Variants in TTF1 observed in about 807,000 individuals in gnomAD.
The protein encoded by TTF1 is transcription termination factor, RNA polymerase I.
TTF1 carries 64 observed loss-of-function variants against 80.2 expected under a neutral mutation model. That is an observed-to-expected ratio of 0.80 (90% CI 0.65 to 0.98). The LOEUF (loss-of-function observed/expected upper bound fraction) is 0.98. Among genes scored for constraint, TTF1 ranks in the 50% least tolerant of loss-of-function variants. The probability of loss-of-function intolerance (pLI) is 0.00; values close to 1 mark genes in which losing one functional copy is unlikely to be tolerated. For synonymous variants in TTF1, 372 were observed against 382.7 expected (o/e 0.97, Z 0.33); for missense variants, 1,023 against 1,086.2 (o/e 0.94, Z 0.82).
At chr9:132,390,265 C>T (rs1408712630) in intron 7 of TTF1, among the ~76,000 whole-genome samples, 2 of 152,220 alleles carry the variant, frequency 1.3e-5, no homozygotes, top group African/African-American at 4.8e-5. Context: ...CACGCATGAG[C>T]CACTGCGCGT....
chr9:132,375,936 G>T lies in TTF1; in HGVS notation c.2697C>A (p.Gly899=). ...GACCTCAGATGATCCACCGGCCTTG[G>T]CCTCCCAAAGTACTGGAATTACAGG... ...AHACNSSTLG[G]QGRWII The change falls in exon 11 of 11, where the codon GGC becomes GGA. Residue 899 remains glycine (G), a synonymous_variant. Transcript: ENST00000334270. 1.3e-6 allele frequency: 2 copies of T among 1,598,210 alleles called. No individual in the cohort carries two copies.
intron 10 of TTF1, 57 bp from the exon 11 acceptor site, chr9:132,376,225 G>A: frequency 6.5e-7 from 1 of 1,547,898 alleles, no homozygotes; most frequent in South Asian, 1.2e-5. Flanking sequence ...CTCTTATCAA[G>A]GTCGAGGCAT....
chr9:132,402,967 C>A (rs961936116), intron 1 of TTF1, 139 bp from the exon 2 acceptor site: 42 of 821,302 alleles, frequency 5.1e-5, no homozygotes, highest in Admixed American at 4.2e-4. Flanking sequence ...GCCATTTTCC[C>A]GCCTCAGCCT....
intron 4 of TTF1, 63 bp downstream of exon 4, chr9:132,398,078 G>A (rs1589825324): frequency 7.1e-7 from 1 of 1,417,798 alleles, no homozygotes; most frequent in East Asian, 2.4e-5. Flanking sequence ...CACTTACCAT[G>A]GGTTATCTTG....
intron 7 of TTF1, 30 bp downstream of exon 7, chr9:132,390,567 A>G: frequency 1.2e-6 from 2 of 1,602,238 alleles, no homozygotes; most frequent in Non-Finnish European, 1.7e-6. Context: ...GAAGCTGGAG[A>G]GACAGAGAAA....
chr9:132,384,554 A>G lies in TTF1; in HGVS notation c.2378+2002T>C, dbSNP rs1456463942. Reference sequence around the variant, plus strand: ...CACTCAGATCCTGCAGACATTTTGCATAAACCATCTACGGAAAATAGATAC... The same window carrying G: ...CACTCAGATCCTGCAGACATTTTGCGTAAACCATCTACGGAAAATAGATAC... On this transcript the variant is annotated intron_variant, in intron 9 of 10. Transcript: ENST00000334270. The surrounding 1 kb of genome is among the most constrained non-coding windows in gnomAD (Gnocchi z 4.1). Among the ~76,000 whole-genome samples the G allele has an allele frequency of 6.6e-6, 1 of 152,232 alleles. No individual in the cohort carries two copies. Among genetic ancestry groups the G allele is most frequent in the Non-Finnish European group, 1.5e-5 (1 of 68,038 alleles).
intron 3 of TTF1, 79 bp from the exon 4 acceptor site, chr9:132,398,405 A>G: frequency 7.0e-7 from 1 of 1,431,772 alleles, no homozygotes; most frequent in South Asian, 1.3e-5. Flanking sequence ...GTTTTTCATC[A>G]GCAATGACAG....
rs368443531 is a variant in TTF1 at position 132,382,804 on chromosome 9, G to A, written c.2379-3660C>T. On this transcript the variant is annotated intron_variant, in intron 9 of 10. Coordinates refer to ENST00000334270, the MANE Select transcript of TTF1 (RefSeq NM_007344.4). The stretch of plus-strand genomic sequence containing the variant: ...AAAAAAGTCAGGTGTGGTGGCTCAC[G>A]CCTGTAATCTCAGCAATTTGGGAGG... Among the ~76,000 whole-genome samples, 16 of 148,532 alleles carry A rather than the reference G, an allele frequency of 1.1e-4. No homozygotes were observed. In the South Asian group the frequency reaches 2.8e-3, roughly 26 times the overall value.
intron 9 of TTF1, 63 bp from the exon 10 acceptor site, chr9:132,379,207 G>A (rs958761276): frequency 8.4e-7 from 1 of 1,190,054 alleles, no homozygotes; most frequent in Admixed American, 2.3e-5. Context: ...TTTCAATACA[G>A]TGTAGTAAGT....
In TTF1 at chr9:132,392,207, C is replaced by A; in HGVS notation, c.1857-1G>T. On this transcript the variant is annotated splice_acceptor_variant, in intron 5 of 10. Coordinates refer to ENST00000334270, the MANE Select transcript of TTF1 (RefSeq NM_007344.4). LOFTEE classifies it high-confidence loss of function. ...CTTCTCAGTATCTCCTTCGCTATAC[C>A]TAGGAGAAAGGGAAAATGTTTTACA... 6.2e-7 allele frequency: 1 copy of A among 1,614,060 alleles called. No homozygotes were observed. The highest frequency in any genetic ancestry group is 8.5e-7 in the Non-Finnish European group (1 of 1,179,978).
rs779476124 is a variant in TTF1, at chr9:132,402,461, T to C, written c.361A>G (p.Lys121Glu). ...TCAACACAAACAACATCAACATCCT[T>C]TCTAAAATGCTTTGGTGTGTTGTTA... is the stretch of plus-strand genomic sequence containing the variant. ...NINNTPKHFR[K>E]DVDVVCVDMS... The change falls in exon 2 of 11, where the codon AAG (lysine) becomes GAG (glutamate). Residue 121 changes from lysine (K) to glutamate (E), a missense_variant. Physicochemically the swap from Lys to Glu is moderately conservative, Grantham distance 56. Transcript: ENST00000334270. 6.2e-7 allele frequency: 1 copy of C among 1,614,216 alleles called. No homozygotes were observed. The highest frequency in any genetic ancestry group is 2.2e-5 in the East Asian group (1 of 44,888).
In TTF1 at chr9:132,392,060, G is replaced by A; in HGVS notation, c.1987+16C>T. ...TTATTTCTTCAGCGAGGTGGGCACTGGGGGCTGCCACTTACGACTGCTGAT... is the reference window on the plus strand; with the variant it reads ...TTATTTCTTCAGCGAGGTGGGCACTAGGGGCTGCCACTTACGACTGCTGAT... On this transcript the variant is annotated intron_variant, in intron 6 of 10. Coordinates refer to ENST00000334270, the MANE Select transcript of TTF1 (RefSeq NM_007344.4). The A allele has an allele frequency of 6.2e-7, 1 of 1,613,382 alleles. No individual in the cohort carries two copies. The highest frequency in any genetic ancestry group is 1.7e-5 in the Admixed American group (1 of 59,984).
intron 10 of TTF1, 26 bp from the exon 11 acceptor site, chr9:132,376,194 A>G (rs1234096204): frequency 6.2e-7 from 1 of 1,600,946 alleles, no homozygotes; most frequent in Non-Finnish European, 8.5e-7. Context: ...TTAATTGTGC[A>G]GTTATCTGTC....
chr9:132,391,731 G>A (rs1849562095), intron 6 of TTF1, among the ~76,000 whole-genome samples: 1 of 152,190 alleles, frequency 6.6e-6, no homozygotes, highest in South Asian at 2.1e-4. Flanking sequence ...GGCACGAACT[G>A]CGTGCCTGCC....
intron 5 of TTF1, among the ~76,000 whole-genome samples, chr9:132,394,271 TG>T (rs1389088025): frequency 1.3e-5 from 2 of 151,730 alleles, no homozygotes; most frequent in East Asian, 3.9e-4. Context: ...GAATAGAAAC[TG>T]GTTATTCTTC....
chr9:132,401,510 G>C lies in TTF1; in HGVS notation c.1312C>G (p.Arg438Gly), dbSNP rs778557441. 1.9e-6 allele frequency: 3 copies of C among 1,613,968 alleles called. No individual in the cohort carries two copies. Among genetic ancestry groups the C allele is most frequent in the Non-Finnish European group, 2.5e-6 (3 of 1,179,966 alleles). The change falls in exon 2 of 11, where the codon CGA (arginine) becomes GGA (glycine). Residue 438 changes from arginine (R) to glycine (G), a missense_variant. Physicochemically the swap from Arg to Gly is moderately radical, Grantham distance 125. Transcript: ENST00000334270. ...AAACAGGCCTGGGTTTTCTTTTGTC[G>C]GGGCCTAGATTTCACACCTTCTTCC... The part of the protein sequence containing the change: ...MMEEGVKSRP[R>G]QKKTQACLAS...
intron 5 of TTF1, among the ~76,000 whole-genome samples, chr9:132,393,386 G>A (rs1015390514): frequency 1.3e-5 from 2 of 152,094 alleles, no homozygotes; most frequent in Admixed American, 6.5e-5. Flanking sequence ...AAGGAACACC[G>A]GGCCCACCCA....
intron 4 of TTF1, 99 bp from the exon 5 acceptor site, chr9:132,396,610 T>C (rs1415590606): frequency 3.3e-6 from 3 of 896,434 alleles, no homozygotes; most frequent in Non-Finnish European, 5.5e-6. Flanking sequence ...TGAACTATCC[T>C]AAGCCCCGTG....
intron 1 of TTF1, among the ~76,000 whole-genome samples, chr9:132,404,881 TTTC>T (rs907488132): frequency 1.1e-4 from 16 of 152,152 alleles, no homozygotes; most frequent in African/African-American, 3.6e-4. Context: ...AAGCCGATTA[TTTC>T]TTTTTTTTCT....
Sources: gnomAD v4.1 joint callset for allele counts (sites outside exome capture counted in the v4.1 genomes callset) on GRCh38, gnomAD v4.1.1 for gene constraint, Gnocchi (gnomAD v3.1) non-coding constraint, MANE v1.5 for transcripts, NCBI Gene and HGNC (gene_info 2026-07-23, HGNC 2026-07-21) for gene names.